RALGDS: variants seen among roughly 807,000 people sequenced by gnomAD.
The protein encoded by RALGDS is ral guanine nucleotide dissociation stimulator, also known as ral guanine nucleotide exchange factor.
Under a neutral mutation model 99.8 loss-of-function variants are expected in RALGDS, and 44 were observed. That is an observed-to-expected ratio of 0.44 (90% CI 0.35 to 0.57). The LOEUF is 0.57. Ranked by LOEUF, RALGDS falls within the 20% of genes least tolerant of loss-of-function variation. The pLI is 0.01. For synonymous variants in RALGDS, 529 were observed against 505.0 expected, an observed-to-expected ratio of 1.05 and a Z score of -0.64; for missense variants, 1,022 against 1,203.1, an observed-to-expected ratio of 0.85 and a Z score of 2.23.
In RALGDS at chr9:133,101,695, G is replaced by C; in HGVS notation, c.2279C>G (p.Ser760Trp). 1 of 1,613,976 alleles carries C rather than the reference G, an allele frequency of 6.2e-7. No individual in the cohort carries two copies. Among genetic ancestry groups the C allele is most frequent in the Non-Finnish European group, 8.5e-7 (1 of 1,179,988 alleles). Residue 760 changes from serine to tryptophan, a missense_variant, in exon 16 of 18, where the codon TCG becomes TGG. Around this residue, in one of 3 missense-constraint regions of RALGDS, gnomAD observed 825 missense variants for 994.5 expected, o/e 0.83. Coordinates refer to ENST00000372050, the MANE Select transcript of RALGDS (RefSeq NM_006266.4). ...GGGCGTGGTGGAGGCTGAGGAGGAC[G>C]AGGTGCTGCTGGAGGCTGAGCTGAT... ...SGISSASSSTSSSSASTTPVA... is the reference protein window; with the variant it reads ...SGISSASSSTWSSSASTTPVA...
chr9:133,146,631 G>C (rs901808312), intron 1 of RALGDS, among the ~76,000 whole-genome samples: 2 of 152,188 alleles, frequency 1.3e-5, no homozygotes, highest in Non-Finnish European at 2.9e-5. Flanking sequence ...ATTGGATTTA[G>C]TGACTGGCTT....
intron 5 of RALGDS, 45 bp from the exon 6 acceptor site, chr9:133,108,451 C>T: frequency 6.6e-7 from 1 of 1,512,334 alleles, no homozygotes; most frequent in Non-Finnish European, 8.9e-7. Context: ...CTTTCCTGTG[C>T]CTTTCCAAAG....
intron 5 of RALGDS, 103 bp from the exon 6 acceptor site, chr9:133,108,509 C>A: frequency 1.4e-6 from 2 of 1,433,144 alleles, no homozygotes; most frequent in Non-Finnish European, 1.9e-6. Context: ...CCCGAACCCA[C>A]AAAACGTGTA....
rs527979969 is a variant in RALGDS at position 133,114,619 on chromosome 9, G to A, written c.184-2467C>T. Among the ~76,000 whole-genome samples the A allele has an allele frequency of 2.4e-3, 373 of 152,368 alleles. 2 individuals are homozygous for A. The highest frequency in any genetic ancestry group is 3.5e-3 in the Non-Finnish European group (238 of 68,028). On this transcript the variant is annotated intron_variant, in intron 1 of 17. Transcript: ENST00000372050. Reference sequence around the variant, plus strand: ...GGCCCCAGGGCACTCTGGCCGGGCTGGGAGCTCAGAGCGGGAGGAGCAGGA... The same window carrying A: ...GGCCCCAGGGCACTCTGGCCGGGCTAGGAGCTCAGAGCGGGAGGAGCAGGA...
intron 16 of RALGDS, chr9:133,100,701 A>G (rs960386088): frequency 3.7e-5 from 46 of 1,237,044 alleles, no homozygotes; most frequent in Non-Finnish European, 4.5e-5. Flanking sequence ...CCAGGATAAC[A>G]GCATCACTGA....
intron 16 of RALGDS, chr9:133,101,224 C>T: frequency 1.6e-6 from 2 of 1,267,666 alleles, no homozygotes; most frequent in South Asian, 3.4e-5. Flanking sequence ...AGTCGAGGTC[C>T]TGGCAGGGCT....
At position 133,102,891 on chromosome 9, in the gene RALGDS, C is replaced by A. The variant is rs773820453; in HGVS notation, c.1801G>T (p.Val601Leu). 1 of 1,613,338 alleles carries A rather than the reference C, an allele frequency of 6.2e-7. No individual in the cohort carries two copies. Among genetic ancestry groups the A allele is most frequent in the African/African-American group, 1.3e-5 (1 of 75,062 alleles). Residue 601 changes from valine (V) to leucine (L), a missense_variant, in exon 13 of 18, where the codon GTG becomes TTG. This residue lies in a region of RALGDS where 825 missense variants were observed against 994.5 expected (regional missense o/e 0.83). Transcript: ENST00000372050. ...NFEKRRKEFE[V>L]IAQIKLLQSA... ...TGCAGCAGCTTGATCTGGGCGATCA[C>A]CTCGAACTCCTGGGGCCAGAGGGAA...
At chr9:133,121,890 G>A (rs1831962224), upstream of RALGDS, among the ~76,000 whole-genome samples, 1 of 152,160 alleles carries the variant, frequency 6.6e-6, no homozygotes. Context: ...CCTGAGTGTG[G>A]GGCTGTGTGT....
At chr9:133,139,669 C>T (rs1161750766) in intron 1 of RALGDS, among the ~76,000 whole-genome samples, 1 of 152,236 alleles carries the variant, frequency 6.6e-6, no homozygotes, top group African/African-American at 2.4e-5. Context: ...CTGAAAAAAA[C>T]CTGTGGATTC....
At chr9:133,120,267 T>A (rs970308799) in intron 1 of RALGDS, among the ~76,000 whole-genome samples, 7 of 152,000 alleles carry the variant, frequency 4.6e-5, no homozygotes, top group Non-Finnish European at 1.0e-4. Context: ...CACTCCCTTC[T>A]CTGAATCCTA....
At chr9:133,123,809 C>T (rs1175713570), upstream of RALGDS, among the ~76,000 whole-genome samples, 2 of 54,968 alleles carry the variant, frequency 3.6e-5, no homozygotes, top group African/African-American at 9.4e-5. Flanking sequence ...CACAGAGACA[C>T]ACACAGAGAG....
At chr9:133,133,684 T>TA, upstream of RALGDS, among the ~76,000 whole-genome samples, 2 of 152,304 alleles carry the variant, frequency 1.3e-5, no homozygotes, top group Non-Finnish European at 2.9e-5. Flanking sequence ...GCATGAAGCT[T>TA]ACGACGACCC....
At chr9:133,121,414 GCGGGGTCTGAACAAAGAGGGCGGGGC>G (rs1369184104), upstream of RALGDS, among the ~76,000 whole-genome samples, 3 of 151,646 alleles carry the variant, frequency 2.0e-5, no homozygotes, top group East Asian at 3.9e-4. Flanking sequence ...GCCTGGAGGG[GCGGGGTCTGAACAAAGAGGGCGGGGC>G]CGGGGAGGTC....
intron 1 of RALGDS, chr9:133,130,868 G>A (rs942663382): frequency 1.5e-6 from 2 of 1,328,362 alleles, no homozygotes; most frequent in Non-Finnish European, 2.1e-6. Flanking sequence ...CTGACCTGGG[G>A]GCCAGAACAC....
chr9:133,107,414 C>T, intron 6 of RALGDS, 114 bp from the exon 7 acceptor site: 1 of 962,970 alleles, frequency 1.0e-6, no homozygotes, highest in Non-Finnish European at 1.6e-6. Context: ...ATCCCGTGTC[C>T]ATGCAGGGTG....
chr9:133,148,836 G>T, intron 1 of RALGDS: 1 of 1,197,530 alleles, frequency 8.4e-7, no homozygotes, highest in Non-Finnish European at 1.2e-6. Flanking sequence ...GGGGTTGGAC[G>T]CGGAGCTGCG....
At chr9:133,101,057 T>C in intron 16 of RALGDS, 2 of 1,082,728 alleles carry the variant, frequency 1.8e-6, no homozygotes, top group Non-Finnish European at 2.3e-6. Flanking sequence ...ATCTGCTGTC[T>C]CCAAATCCTG....
intron 8 of RALGDS, among the ~76,000 whole-genome samples, chr9:133,106,268 A>C (rs1438768078): frequency 6.6e-6 from 1 of 151,924 alleles, no homozygotes; most frequent in Non-Finnish European, 1.5e-5. Flanking sequence ...AGTTTCAGTC[A>C]CCCAGGCTGG....
intron 1 of RALGDS, among the ~76,000 whole-genome samples, chr9:133,112,517 C>T (rs1036711612): frequency 2.0e-5 from 3 of 152,202 alleles, no homozygotes; most frequent in African/African-American, 7.2e-5. Context: ...AGAGGAACAA[C>T]TGGTCCAAGG....
Sources: gnomAD v4.1 joint callset for allele counts (sites outside exome capture counted in the v4.1 genomes callset) on GRCh38, gnomAD v4.1.1 for gene constraint, gnomAD v4.1.1 regional missense constraint, MANE v1.5 for transcripts, NCBI Gene and HGNC (gene_info 2026-07-23, HGNC 2026-07-21) for gene names.